The following EXOC4 variants were observed in gnomAD, a reference collection of about 807,000 sequenced individuals.
EXOC4 encodes SEC8-like 1.
EXOC4 carries 71 observed loss-of-function variants against 107.2 expected under a neutral mutation model. The ratio of observed to expected loss-of-function variants is 0.66; its 90% CI spans 0.55 to 0.81. EXOC4 has a LOEUF of 0.81. EXOC4 is among the 30% of genes least tolerant of loss of function. The pLI is 0.00. For synonymous variants in EXOC4, 456 were observed against 441.2 expected (o/e 1.03, Z -0.42); for missense variants, 1,108 against 1,189.6 (o/e 0.93, Z 1.01).
At chr7:133,807,347 A>G (rs150131090) in intron 10 of EXOC4, among the ~76,000 whole-genome samples, 2 of 152,332 alleles carry the variant, frequency 1.3e-5, no homozygotes, top group East Asian at 3.9e-4. Context: ...CTCTTTGATC[A>G]GGACGTGGTA....
intron 14 of EXOC4, among the ~76,000 whole-genome samples, chr7:133,957,582 G>T (rs1462859115): frequency 2.0e-5 from 3 of 152,136 alleles, no homozygotes; most frequent in Non-Finnish European, 4.4e-5. Flanking sequence ...TGACCATTTG[G>T]ATAATGGATT....
chr7:133,826,990 G>A (rs1797719072), intron 11 of EXOC4, among the ~76,000 whole-genome samples: 2 of 152,146 alleles, frequency 1.3e-5, no homozygotes, highest in Non-Finnish European at 2.9e-5. Context: ...CATTCCCTGA[G>A]TACCTTACCA....
intron 7 of EXOC4, among the ~76,000 whole-genome samples, chr7:133,425,362 A>G (rs1248342933): frequency 6.6e-6 from 1 of 152,136 alleles, no homozygotes; most frequent in Non-Finnish European, 1.5e-5. Flanking sequence ...ATCTTGGCTC[A>G]CTGCAACCTC....
chr7:133,424,375 G>T (rs1039463487), intron 7 of EXOC4, among the ~76,000 whole-genome samples: 1 of 151,732 alleles, frequency 6.6e-6, no homozygotes, highest in Non-Finnish European at 1.5e-5. Context: ...TTTAAGAGCT[G>T]TAACACTCAC....
chr7:133,555,706 A>G lies in EXOC4; in HGVS notation c.1418-74339A>G, dbSNP rs906550762. Among the ~76,000 whole-genome samples, 8 of 152,232 alleles carry G rather than the reference A, an allele frequency of 5.3e-5. 1 individual carries two copies. The highest frequency in any genetic ancestry group is 1.9e-4 in the African/African-American group (8 of 41,466). ...TATAACATATGCTCGATAGACAAGT[A>G]TTTTTAAAATAAAAATTCCAGTTTG... On this transcript the variant is annotated intron_variant, in intron 9 of 17. Coordinates refer to ENST00000253861, the MANE Select transcript of EXOC4 (RefSeq NM_021807.4).
At chr7:133,629,912 G>A (rs1042277466) in intron 9 of EXOC4, 133 bp from the exon 10 acceptor site, 8 of 613,126 alleles carry the variant, frequency 1.3e-5, no homozygotes, top group Middle Eastern at 3.3e-4. Flanking sequence ...AAATAATTTC[G>A]TACATACCGA....
In EXOC4 at chr7:133,272,298, G is replaced by A. The variant is rs76742728; in HGVS notation, c.87-2684G>A. Among the ~76,000 whole-genome samples the A allele has an allele frequency of 5.8e-3, 880 of 152,298 alleles. 10 individuals are homozygous for A. The highest frequency in any genetic ancestry group is 0.018 in the African/African-American group (728 of 41,560). ...AAGAGACCCCACTCTGTAGCTGTTA[G>A]GAGTGCAATCTGAAAGCAGACCAAC... On this transcript the variant is annotated intron_variant, in intron 1 of 17. Coordinates refer to ENST00000253861, the MANE Select transcript of EXOC4 (RefSeq NM_021807.4).
At chr7:133,671,493 G>C (rs959631178) in intron 10 of EXOC4, among the ~76,000 whole-genome samples, 3 of 152,144 alleles carry the variant, frequency 2.0e-5, no homozygotes, top group Non-Finnish European at 4.4e-5. Flanking sequence ...CTTGAACGGG[G>C]GAGTCAGAGG....
At chr7:134,009,643 G>C (rs868515643) in intron 17 of EXOC4, among the ~76,000 whole-genome samples, 1 of 152,184 alleles carries the variant, frequency 6.6e-6, no homozygotes, top group Middle Eastern at 3.4e-3. Flanking sequence ...GCTCTTATGG[G>C]GAATGATCTC....
At chr7:133,712,439 C>CAAAAAAAAAAAAAAAAAAAAAAAAAAAAA (rs58629398) in intron 10 of EXOC4, among the ~76,000 whole-genome samples, 1 of 30,196 alleles carries the variant, frequency 3.3e-5, no homozygotes, top group African/African-American at 1.4e-4. Flanking sequence ...AACTCTGTCT[C>CAAAAAAAAAAAAAAAAAAAAAAAAAAAAA]AAAAAAAAAA....
At chr7:133,533,406 C>G (rs1800216360) in intron 9 of EXOC4, among the ~76,000 whole-genome samples, 1 of 152,016 alleles carries the variant, frequency 6.6e-6, no homozygotes, top group African/African-American at 2.4e-5. Context: ...TTGTGGATGC[C>G]TACTCTTTTC....
At chr7:133,934,361 CTT>C (rs1235270579) in intron 13 of EXOC4, among the ~76,000 whole-genome samples, 1 of 152,182 alleles carries the variant, frequency 6.6e-6, no homozygotes, top group Non-Finnish European at 1.5e-5. Flanking sequence ...TTTCTGTGCT[CTT>C]TTCAGGTTGT....
intron 10 of EXOC4, among the ~76,000 whole-genome samples, chr7:133,799,872 A>G (rs1366809615): frequency 6.6e-6 from 1 of 152,192 alleles, no homozygotes; most frequent in Non-Finnish European, 1.5e-5. Context: ...ACTTGTTTGG[A>G]GATTACTTTT....
At chr7:133,571,580 C>G (rs1277804133) in intron 9 of EXOC4, among the ~76,000 whole-genome samples, 1 of 150,652 alleles carries the variant, frequency 6.6e-6, no homozygotes, top group East Asian at 2.0e-4. Context: ...TGAGGCCAGG[C>G]ATGAGAACCA....
At chr7:133,563,301 A>T (rs1201447291) in intron 9 of EXOC4, among the ~76,000 whole-genome samples, 2 of 152,192 alleles carry the variant, frequency 1.3e-5, no homozygotes, top group Admixed American at 6.5e-5. Flanking sequence ...CAAGAAATGT[A>T]TGCGTTAAAG....
chr7:133,564,417 C>T (rs1585000875), intron 9 of EXOC4, among the ~76,000 whole-genome samples: 2 of 152,146 alleles, frequency 1.3e-5, no homozygotes, highest in South Asian at 2.1e-4. Flanking sequence ...CCAGGCTCTA[C>T]CTCCAGTACT....
At chr7:133,856,902 C>T (rs1042561172) in intron 11 of EXOC4, among the ~76,000 whole-genome samples, 3 of 151,070 alleles carry the variant, frequency 2.0e-5, no homozygotes, top group Non-Finnish European at 4.4e-5. Context: ...AGATCGAGAC[C>T]ATCCTGGCTA....
rs1312120857 is a variant in EXOC4, at chr7:134,005,098, C to G, written c.2527+8C>G. On this transcript the variant is annotated splice_region_variant and intron_variant, in intron 16 of 17. Transcript: ENST00000253861. Reference sequence around the variant, plus strand: ...TCCAGTATATCTTCGAAGGTCAGACCCTGCTTCTGTCTCTGGGAGTTTGGG... The same window carrying G: ...TCCAGTATATCTTCGAAGGTCAGACGCTGCTTCTGTCTCTGGGAGTTTGGG... 5 of 1,608,228 alleles carry G rather than the reference C, an allele frequency of 3.1e-6. No individual in the cohort carries two copies. Among genetic ancestry groups the G allele is most frequent in the African/African-American group, 1.3e-5 (1 of 74,770 alleles).
At chr7:133,982,327 C>A (rs989806867) in intron 14 of EXOC4, among the ~76,000 whole-genome samples, 1 of 152,104 alleles carries the variant, frequency 6.6e-6, no homozygotes, top group Non-Finnish European at 1.5e-5. Context: ...CCGAGGCGGG[C>A]AGATCACGAG....
Sources: gnomAD v4.1 joint callset for allele counts (sites outside exome capture counted in the v4.1 genomes callset) on GRCh38, gnomAD v4.1.1 for gene constraint, MANE v1.5 for transcripts, NCBI Gene and HGNC (gene_info 2026-07-23, HGNC 2026-07-21) for gene names.